Variants in RARB observed in about 807,000 individuals in gnomAD.
The protein encoded by RARB is retinoic acid receptor beta.
RARB carries 17 observed loss-of-function variants against 51.9 expected under a neutral mutation model. The observed-to-expected ratio is 0.33, with a 90% CI of 0.22 to 0.49. The LOEUF is 0.49. Among genes scored for constraint, RARB ranks in the 20% least tolerant of loss-of-function variants. RARB has a pLI of 0.99. For missense variants in RARB, 369 were observed against 550.8 expected (o/e 0.67, Z 3.30); for synonymous variants, 215 against 195.4 (o/e 1.10, Z -0.84).
At chr3:25,142,663 G>T (rs1219881272) in intron 4 of RARB, among the ~76,000 whole-genome samples, 3 of 151,958 alleles carry the variant, frequency 2.0e-5, no homozygotes, top group Admixed American at 6.6e-5. Context: ...TTAGCTTTGG[G>T]GGAAAGGTAA....
At chr3:25,247,964 C>G (rs1292174317) in intron 5 of RARB, among the ~76,000 whole-genome samples, 1 of 152,154 alleles carries the variant, frequency 6.6e-6, no homozygotes, top group Non-Finnish European at 1.5e-5. Flanking sequence ...CTGCTTAATG[C>G]TGAGAGTGGA....
At chr3:25,442,116 T>A (rs533266314) in intron 1 of RARB, among the ~76,000 whole-genome samples, 108 of 147,792 alleles carry the variant, frequency 7.3e-4, no homozygotes, top group South Asian at 1.1e-3. Context: ...TTTATTTTAT[T>A]TTTATTTATT....
chr3:25,188,593 A>C (rs1410139069), intron 5 of RARB, among the ~76,000 whole-genome samples: 2 of 152,280 alleles, frequency 1.3e-5, no homozygotes, highest in East Asian at 3.9e-4. Context: ...GCTTCTTTGA[A>C]AGCGGTATCA....
chr3:25,428,851 G>T lies in RARB; in HGVS notation c.120G>T (p.Leu40Phe). Residue 40 changes from leucine (L) to phenylalanine (F), a missense_variant, in exon 1 of 8, where the codon TTG becomes TTT. Coordinates refer to ENST00000330688, the MANE Select transcript of RARB (RefSeq NM_000965.5). ...CTCTCAAAGCATGCTTCAGTGGATT[G>T]ACCCAAACCGAATGGCAGCATCGGC... ...EKALKACFSG[L>F]TQTEWQHRHT... is the part of the protein sequence containing the mutation. The T allele has an allele frequency of 1.2e-6, 2 of 1,613,712 alleles. No homozygotes were observed. The highest frequency in any genetic ancestry group is 1.7e-6 in the Non-Finnish European group (2 of 1,179,708).
intron 5 of RARB, among the ~76,000 whole-genome samples, chr3:25,581,223 T>C (rs1701161089): frequency 6.6e-6 from 1 of 152,198 alleles, no homozygotes; most frequent in Non-Finnish European, 1.5e-5. Flanking sequence ...TGTATTTGCT[T>C]TGCAGAATGG....
At chr3:25,270,191 A>G (rs553420132) in intron 5 of RARB, among the ~76,000 whole-genome samples, 3 of 152,334 alleles carry the variant, frequency 2.0e-5, no homozygotes, top group South Asian at 2.1e-4. Flanking sequence ...TTTTACACCA[A>G]TGTTCATAGC....
chr3:24,992,065 C>A (rs893856414), intron 2 of RARB, among the ~76,000 whole-genome samples: 2 of 152,156 alleles, frequency 1.3e-5, no homozygotes, highest in African/African-American at 4.8e-5. Context: ...CTTGCAACTC[C>A]AGCAGGGCTC....
At chr3:24,830,211 G>C (rs1246282205) in intron 1 of RARB, among the ~76,000 whole-genome samples, 2 of 151,956 alleles carry the variant, frequency 1.3e-5, no homozygotes, top group Non-Finnish European at 2.9e-5. Flanking sequence ...GAGACGATGG[G>C]CGGAAAAACA....
At chr3:24,873,936 C>G (rs138426632) in intron 2 of RARB, among the ~76,000 whole-genome samples, 9 of 151,894 alleles carry the variant, frequency 5.9e-5, no homozygotes, top group African/African-American at 1.9e-4. Flanking sequence ...AACCACAGAT[C>G]AAAAATGTTC....
At chr3:25,290,824 T>A (rs1035691363) in intron 5 of RARB, among the ~76,000 whole-genome samples, 1 of 152,156 alleles carries the variant, frequency 6.6e-6, no homozygotes. Context: ...TCCCTCTCTC[T>A]CCCCTCTTCT....
intron 3 of RARB, among the ~76,000 whole-genome samples, chr3:25,543,650 A>T (rs1281217426): frequency 6.6e-6 from 1 of 152,156 alleles, no homozygotes; most frequent in African/African-American, 2.4e-5. Flanking sequence ...CCTAAGTGAG[A>T]TGGACGATGG....
chr3:25,115,139 C>T (rs1699664856), intron 3 of RARB, among the ~76,000 whole-genome samples: 1 of 152,124 alleles, frequency 6.6e-6, no homozygotes, highest in African/African-American at 2.4e-5. Context: ...CTGATAGTCA[C>T]CACTGAGTGC....
chr3:25,051,070 A>G (rs868212654), intron 2 of RARB, among the ~76,000 whole-genome samples: 28 of 152,286 alleles, frequency 1.8e-4, no homozygotes, highest in African/African-American at 5.3e-4. Context: ...AGAAATGTGT[A>G]TCTTTGATAT....
At chr3:25,365,000 T>C (rs1384843461) in intron 5 of RARB, among the ~76,000 whole-genome samples, 1 of 152,138 alleles carries the variant, frequency 6.6e-6, no homozygotes, top group Non-Finnish European at 1.5e-5. Flanking sequence ...ATTTGATTCA[T>C]TGACATCTAA....
chr3:24,932,911 G>T (rs1430149980), intron 2 of RARB, among the ~76,000 whole-genome samples: 1 of 152,048 alleles, frequency 6.6e-6, no homozygotes, highest in Non-Finnish European at 1.5e-5. Context: ...ATGGAAGAGA[G>T]AAAACCCATA....
chr3:25,030,136 A>C (rs1277549375), intron 2 of RARB, among the ~76,000 whole-genome samples: 1 of 152,208 alleles, frequency 6.6e-6, no homozygotes, highest in Admixed American at 6.5e-5. Flanking sequence ...CTTTTCTATT[A>C]TTATGTTACT....
At chr3:25,586,043 C>T (rs776411646) in intron 5 of RARB, among the ~76,000 whole-genome samples, 5 of 152,134 alleles carry the variant, frequency 3.3e-5, no homozygotes, top group Admixed American at 6.5e-5. Context: ...ACTGGAAATT[C>T]TAGCCGCCCA....
intron 4 of RARB, among the ~76,000 whole-genome samples, chr3:25,149,073 T>C (rs554894611): frequency 2.0e-5 from 3 of 152,262 alleles, no homozygotes; most frequent in African/African-American, 7.2e-5. Flanking sequence ...ATCACCTTTT[T>C]CTGAACTTCT....
intron 2 of RARB, among the ~76,000 whole-genome samples, chr3:25,048,215 C>A (rs1309134309): frequency 6.6e-6 from 1 of 152,158 alleles, no homozygotes; most frequent in Non-Finnish European, 1.5e-5. Context: ...TTCATCTCTT[C>A]ATTTAGTATA....
Sources: allele counts gnomAD v4.1 joint callset (sites outside exome capture counted in the v4.1 genomes callset), GRCh38; gene constraint gnomAD v4.1.1; transcripts MANE v1.5; gene names NCBI Gene and HGNC (gene_info 2026-07-23, HGNC 2026-07-21).